The following EYS variants were observed in gnomAD, a reference collection of about 807,000 sequenced individuals.
EYS encodes the protein protein eyes shut homolog.
In EYS, 250 loss-of-function variants were observed where a neutral mutation model predicts 282.1. The ratio of observed to expected loss-of-function variants is 0.89; its 90% CI spans 0.80 to 0.98. The LOEUF is 0.98. EYS is among the 50% of genes least tolerant of loss of function. The probability of loss-of-function intolerance (pLI) is 0.00; values close to 1 mark genes in which losing one functional copy is unlikely to be tolerated. For missense variants in EYS, 4,016 were observed against 3,709.0 expected (o/e 1.08, Z -2.15); for synonymous variants, 1,355 against 1,282.9 (o/e 1.06, Z -1.20).
intron 19 of EYS, among the ~76,000 whole-genome samples, chr6:64,883,351 T>A (rs1373324772): frequency 6.6e-6 from 1 of 151,536 alleles, no homozygotes; most frequent in Non-Finnish European, 1.5e-5. Context: ...ACTATTGAAT[T>A]GTATATGTTT....
At chr6:63,759,154 GTTC>G (rs1385186695) in intron 41 of EYS, among the ~76,000 whole-genome samples, 1 of 151,988 alleles carries the variant, frequency 6.6e-6, no homozygotes, top group Non-Finnish European at 1.5e-5. Context: ...GTCTCTTAAA[GTTC>G]TTAACTTTTC....
intron 2 of EYS, among the ~76,000 whole-genome samples, chr6:65,566,529 C>T (rs1769286557): frequency 6.6e-6 from 1 of 152,148 alleles, no homozygotes; most frequent in Non-Finnish European, 1.5e-5. Context: ...TCATTTCTGC[C>T]TTAAATCTAC....
In EYS at chr6:65,344,161, CT is replaced by C; in HGVS notation, c.1475del (p.Lys492SerfsTer23). On this transcript the variant is annotated frameshift_variant, in exon 10 of 43. Transcript: ENST00000503581. LOFTEE classifies it high-confidence loss of function. ...QLGFAGSEGE[K>X]CQGVIDAYFF... is the part of the protein sequence containing the mutation. ...AATAGGCATCAATAACCCCTTGGCA[CT>C]TTTCGCCTTCAGATCCTTTAAAAAA... The C allele has an allele frequency of 6.2e-7, 1 of 1,609,440 alleles. No individual in the cohort carries two copies. Among genetic ancestry groups the C allele is most frequent in the Non-Finnish European group, 8.5e-7 (1 of 1,177,030 alleles).
At chr6:65,279,103 G>A (rs999594101) in intron 12 of EYS, among the ~76,000 whole-genome samples, 4 of 152,076 alleles carry the variant, frequency 2.6e-5, no homozygotes, top group African/African-American at 9.6e-5. Context: ...TGAGAGGATC[G>A]CTTGAACCCA....
At chr6:65,233,007 G>A (rs1209072369) in intron 12 of EYS, among the ~76,000 whole-genome samples, 1 of 152,036 alleles carries the variant, frequency 6.6e-6, no homozygotes, top group Non-Finnish European at 1.5e-5. Context: ...GTTCATTAAA[G>A]AATTTCCTTT....
chr6:63,802,112 TTAA>T (rs1770795444), intron 37 of EYS, among the ~76,000 whole-genome samples: 3 of 152,204 alleles, frequency 2.0e-5, no homozygotes. Context: ...AATTGTATGG[TTAA>T]TAATAACGAT....
intron 12 of EYS, among the ~76,000 whole-genome samples, chr6:65,231,576 A>G (rs1234595478): frequency 6.6e-6 from 1 of 151,850 alleles, no homozygotes; most frequent in East Asian, 1.9e-4. Context: ...TTGACCATAA[A>G]TACACAAATG....
At chr6:64,517,994 T>C (rs1777616176) in intron 26 of EYS, among the ~76,000 whole-genome samples, 1 of 151,864 alleles carries the variant, frequency 6.6e-6, no homozygotes. Context: ...TGCCTTTTCT[T>C]TGTAATCTAG....
intron 36 of EYS, among the ~76,000 whole-genome samples, chr6:63,849,800 G>A (rs141264853): frequency 3.0e-4 from 45 of 152,290 alleles, no homozygotes; most frequent in African/African-American, 1.1e-3. Context: ...TTGTCAGCAA[G>A]GGAACAAAAC....
In EYS at chr6:64,868,624, G is replaced by T. The variant is rs1030817198; in HGVS notation, c.2992+18073C>A. ...AAATTCTTGCTGTATCAACTAAGTG[G>T]GTTGGATTGATTATACATAATAAAC... is the stretch of plus-strand genomic sequence containing the variant. On this transcript the variant is annotated intron_variant, in intron 19 of 42. Transcript: ENST00000503581. 3.3e-5 allele frequency among the ~76,000 whole-genome samples: 5 copies of T among 151,410 alleles called. No homozygotes were observed. The South Asian group carries it at 6.2e-4, about 19-fold the overall frequency.
intron 18 of EYS, among the ~76,000 whole-genome samples, chr6:64,895,330 G>A (rs1273039601): frequency 1.3e-5 from 2 of 152,176 alleles, no homozygotes; most frequent in Admixed American, 6.5e-5. Context: ...AATTAGTGAA[G>A]CTCCACTTGA....
intron 5 of EYS, among the ~76,000 whole-genome samples, chr6:65,475,112 C>T (rs546705938): frequency 6.6e-6 from 1 of 151,982 alleles, no homozygotes; most frequent in Non-Finnish European, 1.5e-5. Context: ...TATAGTGTCT[C>T]TTGTGGGAAA....
chr6:65,647,527 A>T (rs1283340559), intron 1 of EYS, among the ~76,000 whole-genome samples: 1 of 152,226 alleles, frequency 6.6e-6, no homozygotes, highest in Non-Finnish European at 1.5e-5. Context: ...AAGATGCATC[A>T]AAGTCTTAAA....
intron 30 of EYS, among the ~76,000 whole-genome samples, chr6:64,292,985 A>G (rs773028737): frequency 5.3e-5 from 8 of 152,104 alleles, no homozygotes; most frequent in Non-Finnish European, 1.2e-4. Flanking sequence ...GTTCTTCTTT[A>G]CAGTTCTATA....
rs542777149 is a variant in EYS, at chr6:64,689,929, C to T, written c.3444-63684G>A. Among the ~76,000 whole-genome samples, 297 of 152,156 alleles carry T rather than the reference C, an allele frequency of 2.0e-3. 1 individual carries two copies. Among genetic ancestry groups the T allele is most frequent in the African/African-American group, 5.2e-3 (214 of 41,522 alleles). ...GACACAGGCATGGACAAGGACTTCA[C>T]GTCTAAAACACCAAAAGCAATGGCA... On this transcript the variant is annotated intron_variant, in intron 22 of 42. Transcript: ENST00000503581.
intron 2 of EYS, among the ~76,000 whole-genome samples, chr6:65,581,642 C>G (rs1308797196): frequency 6.6e-6 from 1 of 151,938 alleles, no homozygotes; most frequent in Non-Finnish European, 1.5e-5. Flanking sequence ...CTTAGTGATG[C>G]TCTTATTAAC....
chr6:65,568,500 T>C (rs903528865), intron 2 of EYS, among the ~76,000 whole-genome samples: 1 of 152,120 alleles, frequency 6.6e-6, no homozygotes, highest in African/African-American at 2.4e-5. Context: ...CAAGGCCCCC[T>C]CACTAGCTAT....
At chr6:64,002,847 T>A (rs1395677067) in intron 33 of EYS, among the ~76,000 whole-genome samples, 1 of 152,238 alleles carries the variant, frequency 6.6e-6, no homozygotes, top group Non-Finnish European at 1.5e-5. Flanking sequence ...CTGAGGATGA[T>A]TTTTAAATTG....
chr6:64,691,971 G>A (rs1265397396), intron 22 of EYS, among the ~76,000 whole-genome samples: 1 of 152,158 alleles, frequency 6.6e-6, no homozygotes, highest in Non-Finnish European at 1.5e-5. Context: ...ACGAGTCCAT[G>A]TGTCTTTTTG....
Sources: allele counts gnomAD v4.1 joint callset (sites outside exome capture counted in the v4.1 genomes callset), GRCh38; gene constraint gnomAD v4.1.1; transcripts MANE v1.5; gene names NCBI Gene and HGNC (gene_info 2026-07-23, HGNC 2026-07-21).